The following WDR41 variants were observed in gnomAD, a reference collection of about 807,000 sequenced individuals.
The protein encoded by WDR41 is WD repeat-containing protein 41.
A neutral mutation model predicts 69.3 loss-of-function variants in WDR41; 63 were observed. The ratio of observed to expected loss-of-function variants is 0.91; its 90% CI spans 0.74 to 1.12. WDR41 has a LOEUF of 1.12. Among genes scored for constraint, WDR41 ranks in the 50% most tolerant of loss-of-function variants. WDR41 has a pLI of 0.00. For synonymous variants in WDR41, 185 were observed against 192.1 expected (o/e 0.96, Z 0.31); for missense variants, 543 against 534.5 (o/e 1.02, Z -0.16).
chr5:77,507,606 AT>A (rs1802129459), intron 1 of WDR41, among the ~76,000 whole-genome samples: 1 of 152,180 alleles, frequency 6.6e-6, no homozygotes, highest in African/African-American at 2.4e-5. Flanking sequence ...AGTATAACAG[AT>A]TTTTTTGTCA....
intron 2 of WDR41, among the ~76,000 whole-genome samples, chr5:77,470,422 A>G (rs547709924): frequency 1.5e-3 from 224 of 152,286 alleles, no homozygotes; most frequent in African/African-American, 5.1e-3. Flanking sequence ...AAATTCACAC[A>G]TAACAATATT....
intron 8 of WDR41, 68 bp downstream of exon 8, chr5:77,449,692 T>C (rs982825290): frequency 1.1e-5 from 11 of 996,116 alleles, no homozygotes; most frequent in Non-Finnish European, 1.6e-5. Context: ...TAAGCAAGGC[T>C]CGTGTTCAGA....
intron 12 of WDR41, among the ~76,000 whole-genome samples, chr5:77,435,252 C>T (rs1258871719): frequency 1.3e-5 from 2 of 152,226 alleles, no homozygotes; most frequent in Non-Finnish European, 2.9e-5. Context: ...ACTCATCCTA[C>T]TAAACTTCAA....
intron 1 of WDR41, among the ~76,000 whole-genome samples, chr5:77,533,399 G>C (rs1742901612): frequency 6.6e-6 from 1 of 152,108 alleles, no homozygotes; most frequent in African/African-American, 2.4e-5. Context: ...AACATGGATT[G>C]GTTTTTTAAT....
At chr5:77,604,624 T>C (rs1405625518) in intron 1 of WDR41, among the ~76,000 whole-genome samples, 1 of 152,180 alleles carries the variant, frequency 6.6e-6, no homozygotes, top group Non-Finnish European at 1.5e-5. Context: ...AAGTCTTTGA[T>C]CTAGCAACTC....
chr5:77,559,556 TA>T (rs1420346610), intron 1 of WDR41, among the ~76,000 whole-genome samples: 2 of 151,926 alleles, frequency 1.3e-5, no homozygotes, highest in Non-Finnish European at 2.9e-5. Flanking sequence ...ACATGATTTT[TA>T]TATAATGTTG....
intron 1 of WDR41, among the ~76,000 whole-genome samples, chr5:77,533,986 T>C (rs1255364831): frequency 2.0e-5 from 3 of 152,134 alleles, no homozygotes; most frequent in Non-Finnish European, 4.4e-5. Flanking sequence ...ACAAATATCA[T>C]CTATGTGTGT....
intron 1 of WDR41, among the ~76,000 whole-genome samples, chr5:77,603,708 C>A (rs1052820019): frequency 6.6e-6 from 1 of 152,022 alleles, no homozygotes; most frequent in African/African-American, 2.4e-5. Flanking sequence ...TAGTTTTAGG[C>A]CTTATGTTTA....
upstream of WDR41, among the ~76,000 whole-genome samples, chr5:77,493,147 G>T (rs1801878835): frequency 6.6e-6 from 1 of 152,146 alleles, no homozygotes; most frequent in South Asian, 2.1e-4. Context: ...TAATCTTTGT[G>T]GTTGGGACGT....
At chr5:77,582,311 A>C (rs1339832303) in intron 1 of WDR41, 2 of 1,443,020 alleles carry the variant, frequency 1.4e-6, no homozygotes, top group African/African-American at 2.8e-5. Flanking sequence ...ATATGCATAG[A>C]TATATAACAA....
At chr5:77,497,174 C>A (rs1357979002), upstream of WDR41, among the ~76,000 whole-genome samples, 1 of 152,122 alleles carries the variant, frequency 6.6e-6, no homozygotes, top group African/African-American at 2.4e-5. Context: ...AGAAAATATT[C>A]ATCACATTAA....
At chr5:77,590,818 G>T (rs1010227534) in intron 1 of WDR41, among the ~76,000 whole-genome samples, 13 of 152,178 alleles carry the variant, frequency 8.5e-5, no homozygotes. Context: ...AGATTGGCTT[G>T]TATTTTTCCT....
chr5:77,481,784 C>CAAA (rs61463461), intron 2 of WDR41, among the ~76,000 whole-genome samples: 116 of 87,276 alleles, frequency 1.3e-3, no homozygotes, highest in Middle Eastern at 7.1e-3. Flanking sequence ...GACTCCGTCT[C>CAAA]AAAAAAAAAA....
intron 11 of WDR41, 39 bp from the exon 12 acceptor site, chr5:77,436,433 A>G: frequency 6.2e-7 from 1 of 1,600,728 alleles, no homozygotes; most frequent in East Asian, 2.2e-5. Context: ...TGTGCTCTGT[A>G]CTTACAATAA....
chr5:77,525,116 T>G (rs1386248731), intron 1 of WDR41, among the ~76,000 whole-genome samples: 1 of 152,200 alleles, frequency 6.6e-6, no homozygotes, highest in Non-Finnish European at 1.5e-5. Context: ...TCTGATCAAA[T>G]GAATCCTGCT....
At chr5:77,503,088 G>C (rs371269533) in intron 1 of WDR41, among the ~76,000 whole-genome samples, 9 of 148,418 alleles carry the variant, frequency 6.1e-5, no homozygotes, top group East Asian at 6.0e-4. Context: ...ATAGAGTCAA[G>C]ACCCATCAGT....
intron 1 of WDR41, among the ~76,000 whole-genome samples, chr5:77,531,564 T>A (rs1233559924): frequency 6.6e-6 from 1 of 151,972 alleles, no homozygotes; most frequent in Admixed American, 6.6e-5. Flanking sequence ...AATGTTCAGC[T>A]GCTGTGGAAA....
At chr5:77,575,293 G>T (rs1020122059) in intron 1 of WDR41, among the ~76,000 whole-genome samples, 1 of 152,168 alleles carries the variant, frequency 6.6e-6, no homozygotes, top group African/African-American at 2.4e-5. Context: ...TGAGAAATAG[G>T]AAAGAACTTT....
At position 77,437,942 on chromosome 5, in the gene WDR41, A is replaced by T. The variant is rs539099440; in HGVS notation, c.1004+298T>A. On this transcript the variant is annotated intron_variant, in intron 10 of 12. Coordinates refer to ENST00000296679, the MANE Select transcript of WDR41 (RefSeq NM_018268.4). ...AGGTAGGTTTATGAGAAATATAAAAATTGGTACAATGTAAGTGGCCCCAAA... is the reference window on the plus strand; with the variant it reads ...AGGTAGGTTTATGAGAAATATAAAATTTGGTACAATGTAAGTGGCCCCAAA... Among the ~76,000 whole-genome samples the T allele has an allele frequency of 2.6e-5, 4 of 152,350 alleles. No homozygotes were observed. The South Asian group carries it at 8.3e-4, about 32-fold the overall frequency.
Sources: gnomAD v4.1 joint callset for allele counts (sites outside exome capture counted in the v4.1 genomes callset) on GRCh38, gnomAD v4.1.1 for gene constraint, MANE v1.5 for transcripts, NCBI Gene and HGNC (gene_info 2026-07-23, HGNC 2026-07-21) for gene names.